Variants in DLGAP2 observed in about 807,000 individuals in gnomAD.
DLGAP2 encodes DLG associated protein 2.
A neutral mutation model predicts 100.3 loss-of-function variants in DLGAP2; 26 were observed. The ratio of observed to expected loss-of-function variants is 0.26; its 90% CI spans 0.19 to 0.36. DLGAP2 has a LOEUF of 0.36. Among genes scored for constraint, DLGAP2 ranks in the 10% least tolerant of loss-of-function variants. DLGAP2 has a pLI of 1.00. For synonymous variants in DLGAP2, 886 were observed against 630.1 expected, an observed-to-expected ratio of 1.41 and a Z score of -6.08; for missense variants, 1,858 against 1,453.2, an observed-to-expected ratio of 1.28 and a Z score of -4.53.
intron 3 of DLGAP2, among the ~76,000 whole-genome samples, chr8:1,491,349 C>T (rs1316909292): frequency 2.0e-5 from 3 of 152,200 alleles, no homozygotes; most frequent in African/African-American, 7.2e-5. Context: ...CCGGAGGCTT[C>T]GGGCCGCTCC....
At chr8:1,344,685 C>A (rs1204442106) in intron 3 of DLGAP2, among the ~76,000 whole-genome samples, 1 of 152,122 alleles carries the variant, frequency 6.6e-6, no homozygotes, top group Non-Finnish European at 1.5e-5. Context: ...CAGTCTCCCG[C>A]GCTCCTCCGT....
intron 3 of DLGAP2, among the ~76,000 whole-genome samples, chr8:1,313,485 A>G (rs986504349): frequency 2.6e-5 from 4 of 152,276 alleles, no homozygotes; most frequent in Non-Finnish European, 4.4e-5. Context: ...GGAGAATGGT[A>G]AAGTCCGGAA....
chr8:1,663,165 CTG>C (rs2130828882), intron 8 of DLGAP2, among the ~76,000 whole-genome samples: 1 of 103,132 alleles, frequency 9.7e-6, no homozygotes, highest in Admixed American at 1.0e-4. Context: ...GGATGTGTGC[CTG>C]TGTGTACACG....
chr8:1,183,377 G>A lies in DLGAP2; in HGVS notation c.74-75474G>A, dbSNP rs138092137. On this transcript the variant is annotated intron_variant, in intron 2 of 14. Transcript: ENST00000637795. Reference sequence around the variant, plus strand: ...TTACTTTTAGATTATAGATGTGGCAGTGCTTGGTGTGTGCAAGTGTGTTTT... The same window carrying A: ...TTACTTTTAGATTATAGATGTGGCAATGCTTGGTGTGTGCAAGTGTGTTTT... 5.9e-5 allele frequency among the ~76,000 whole-genome samples: 9 copies of A among 152,344 alleles called. No individual in the cohort carries two copies. The East Asian group carries it at 1.4e-3, about 23-fold the overall frequency.
intron 2 of DLGAP2, among the ~76,000 whole-genome samples, chr8:1,081,824 C>T (rs948458888): frequency 3.3e-5 from 5 of 152,090 alleles, no homozygotes; most frequent in African/African-American, 1.2e-4. Flanking sequence ...TCACCCACAG[C>T]GACAAAGAAG....
chr8:1,329,948 C>T (rs545249637), intron 3 of DLGAP2, among the ~76,000 whole-genome samples: 1 of 152,348 alleles, frequency 6.6e-6, no homozygotes, highest in African/African-American at 2.4e-5. Context: ...CCAGAGCTTC[C>T]TCTCCCCATC....
intron 3 of DLGAP2, among the ~76,000 whole-genome samples, chr8:1,260,488 C>T (rs942927654): frequency 5.3e-5 from 8 of 152,174 alleles, no homozygotes; most frequent in Admixed American, 2.6e-4. Context: ...TTACTGCTGT[C>T]ATAAAAGAAG....
chr8:1,070,329 G>A (rs183320885), intron 2 of DLGAP2, among the ~76,000 whole-genome samples: 40 of 152,274 alleles, frequency 2.6e-4, no homozygotes, highest in Non-Finnish European at 5.4e-4. Context: ...CCTGTGTCCC[G>A]GGTGCCTGGT....
intron 6 of DLGAP2, among the ~76,000 whole-genome samples, chr8:1,580,533 G>A (rs1345358508): frequency 6.6e-6 from 1 of 152,194 alleles, no homozygotes; most frequent in Non-Finnish European, 1.5e-5. Context: ...CAGCCAGAAA[G>A]ACGAAAGCAG....
chr8:1,218,635 A>G (rs1798258503), intron 2 of DLGAP2, among the ~76,000 whole-genome samples: 1 of 152,068 alleles, frequency 6.6e-6, no homozygotes, highest in African/African-American at 2.4e-5. Flanking sequence ...TTGTTTTAAT[A>G]TATATTTTAG....
chr8:1,283,598 G>C (rs1322676943), intron 3 of DLGAP2, among the ~76,000 whole-genome samples: 1 of 152,182 alleles, frequency 6.6e-6, no homozygotes, highest in Admixed American at 6.5e-5. Flanking sequence ...TGCTTAAAAT[G>C]CAGAAAGGAA....
At chr8:1,174,017 C>G (rs1278302586) in intron 2 of DLGAP2, among the ~76,000 whole-genome samples, 1 of 152,152 alleles carries the variant, frequency 6.6e-6, no homozygotes, top group Non-Finnish European at 1.5e-5. Flanking sequence ...ATTTGGCCAT[C>G]TTGGCTCCTC....
intron 3 of DLGAP2, among the ~76,000 whole-genome samples, chr8:1,311,884 G>T (rs1310889926): frequency 6.6e-6 from 1 of 152,182 alleles, no homozygotes; most frequent in African/African-American, 2.4e-5. Flanking sequence ...TGACAACAGT[G>T]TGTCAAAATA....
intron 2 of DLGAP2, among the ~76,000 whole-genome samples, chr8:930,935 G>A (rs1307886252): frequency 2.6e-5 from 4 of 152,244 alleles, no homozygotes; most frequent in African/African-American, 9.6e-5. Context: ...AGATGAGTGG[G>A]GAGGGAGGCA....
chr8:1,383,820 G>A (rs1375128920), intron 3 of DLGAP2, among the ~76,000 whole-genome samples: 1 of 152,208 alleles, frequency 6.6e-6, no homozygotes, highest in Non-Finnish European at 1.5e-5. Context: ...CTCCCAGCGA[G>A]CACTTTCCAG....
intron 1 of DLGAP2, among the ~76,000 whole-genome samples, chr8:900,106 G>T (rs1044068305): frequency 1.3e-5 from 2 of 148,634 alleles, no homozygotes; most frequent in African/African-American, 5.0e-5. Context: ...ATGGTGGGCG[G>T]CCTCCTCTTC....
intron 4 of DLGAP2, among the ~76,000 whole-genome samples, chr8:1,510,586 C>G (rs143332905): frequency 3.7e-4 from 56 of 152,336 alleles, no homozygotes; most frequent in African/African-American, 1.3e-3. Flanking sequence ...GTTCTGGTGC[C>G]TTGGTCAATA....
intron 3 of DLGAP2, among the ~76,000 whole-genome samples, chr8:1,342,729 A>G (rs1801446212): frequency 6.6e-6 from 1 of 152,232 alleles, no homozygotes; most frequent in African/African-American, 2.4e-5. Context: ...GCAGAACTTC[A>G]AAACGAAAAT....
At chr8:1,329,941 G>C (rs1039840265) in intron 3 of DLGAP2, among the ~76,000 whole-genome samples, 11 of 152,208 alleles carry the variant, frequency 7.2e-5, no homozygotes, top group African/African-American at 2.4e-4. Context: ...TAGAACCCCA[G>C]AGCTTCCTCT....
Sources: allele counts gnomAD v4.1 joint callset (sites outside exome capture counted in the v4.1 genomes callset), GRCh38; gene constraint gnomAD v4.1.1; transcripts MANE v1.5; gene names NCBI Gene and HGNC (gene_info 2026-07-23, HGNC 2026-07-21).